Variants in MYO1D observed in about 807,000 individuals in gnomAD.
The protein encoded by MYO1D is unconventional myosin-Id.
Under a neutral mutation model 122.0 loss-of-function variants are expected in MYO1D, and 83 were observed. That is an observed-to-expected ratio of 0.68 (90% CI 0.57 to 0.82). The LOEUF (loss-of-function observed/expected upper bound fraction) is 0.82, where lower values mean the gene tolerates loss of function less well. MYO1D is among the 40% of genes least tolerant of loss of function. MYO1D has a pLI of 0.00. For missense variants in MYO1D, 1,157 were observed against 1,269.5 expected (o/e 0.91, Z 1.35); for synonymous variants, 464 against 446.9 (o/e 1.04, Z -0.48).
At chr17:32,771,021 T>C (rs1414275196) in intron 6 of MYO1D, 104 bp downstream of exon 6, 9 of 754,214 alleles carry the variant, frequency 1.2e-5, no homozygotes, top group Admixed American at 2.7e-5. Context: ...AAAGAGATGT[T>C]TATTTGCCTA....
chr17:32,579,641 T>C (rs2087311236), intron 21 of MYO1D, among the ~76,000 whole-genome samples: 1 of 152,210 alleles, frequency 6.6e-6, no homozygotes, highest in South Asian at 2.1e-4. Context: ...TTGTGCTGCT[T>C]TGTAATTCCT....
At chr17:32,797,221 G>A (rs770220860) in intron 1 of MYO1D, among the ~76,000 whole-genome samples, 3 of 151,928 alleles carry the variant, frequency 2.0e-5, no homozygotes, top group Non-Finnish European at 2.9e-5. Context: ...CACCCGCCTC[G>A]GCCTCCCAAA....
chr17:32,634,842 C>A lies in MYO1D; in HGVS notation c.2709+3880G>T, dbSNP rs1268837352. ...CTATCTGAAGCACTTCTCTTCTGCTCCTTTCTGCTGGGAAAACCCAATGAC... is the reference window on the plus strand; with the variant it reads ...CTATCTGAAGCACTTCTCTTCTGCTACTTTCTGCTGGGAAAACCCAATGAC... On this transcript the variant is annotated intron_variant, in intron 20 of 21. Coordinates refer to ENST00000318217, the MANE Select transcript of MYO1D (RefSeq NM_015194.3). Among the ~76,000 whole-genome samples the A allele has an allele frequency of 2.0e-5, 3 of 152,260 alleles. No individual in the cohort carries two copies. The East Asian group carries it at 5.8e-4, about 29-fold the overall frequency.
chr17:32,874,755 C>T (rs1598174737), intron 1 of MYO1D, among the ~76,000 whole-genome samples: 1 of 151,964 alleles, frequency 6.6e-6, no homozygotes, highest in Non-Finnish European at 1.5e-5. Flanking sequence ...ACTCTAAGGG[C>T]CCATCTCTAA....
At chr17:32,857,951 T>G (rs1186323847) in intron 1 of MYO1D, among the ~76,000 whole-genome samples, 2 of 152,272 alleles carry the variant, frequency 1.3e-5, no homozygotes, top group African/African-American at 4.8e-5. Flanking sequence ...TAGTCCTCAG[T>G]ATACACAGTT....
At chr17:32,625,448 G>A (rs530545497) in intron 20 of MYO1D, among the ~76,000 whole-genome samples, 1 of 152,040 alleles carries the variant, frequency 6.6e-6, no homozygotes, top group Non-Finnish European at 1.5e-5. Flanking sequence ...TTCCTGCCTG[G>A]GATTCTTACA....
At chr17:32,798,350 CT>C (rs1455235275) in intron 1 of MYO1D, among the ~76,000 whole-genome samples, 7 of 152,198 alleles carry the variant, frequency 4.6e-5, no homozygotes, top group Non-Finnish European at 1.0e-4. Flanking sequence ...GCTTTTAATA[CT>C]TCCTATATTC....
intron 21 of MYO1D, among the ~76,000 whole-genome samples, chr17:32,543,997 T>C (rs1425075250): frequency 6.6e-6 from 1 of 152,078 alleles, no homozygotes; most frequent in Non-Finnish European, 1.5e-5. Context: ...TTCACTATGT[T>C]GGCCAGGCTG....
intron 21 of MYO1D, among the ~76,000 whole-genome samples, chr17:32,600,906 A>T (rs568295957): frequency 6.6e-6 from 1 of 150,422 alleles, no homozygotes; most frequent in East Asian, 1.9e-4. Context: ...TCAGCTTTCA[A>T]CCTGCGTTCC....
At chr17:32,806,949 C>T (rs1463653774) in intron 1 of MYO1D, among the ~76,000 whole-genome samples, 1 of 152,162 alleles carries the variant, frequency 6.6e-6, no homozygotes, top group Non-Finnish European at 1.5e-5. Context: ...AACTAAATAA[C>T]ATAGGATGTA....
At chr17:32,747,635 G>A (rs910471452) in intron 12 of MYO1D, among the ~76,000 whole-genome samples, 8 of 151,984 alleles carry the variant, frequency 5.3e-5, no homozygotes, top group African/African-American at 7.3e-5. Context: ...TCAGGAGTTC[G>A]AAACCAGCCT....
At chr17:32,536,451 A>G (rs1910667897) in intron 21 of MYO1D, among the ~76,000 whole-genome samples, 1 of 152,234 alleles carries the variant, frequency 6.6e-6, no homozygotes, top group African/African-American at 2.4e-5. Flanking sequence ...GTATCAGGTC[A>G]TTTTAAACCC....
intron 1 of MYO1D, among the ~76,000 whole-genome samples, chr17:32,874,619 G>C (rs1252998370): frequency 6.6e-6 from 1 of 152,148 alleles, no homozygotes; most frequent in African/African-American, 2.4e-5. Flanking sequence ...CTTGCACACA[G>C]TAGAATTAAA....
intron 19 of MYO1D, among the ~76,000 whole-genome samples, chr17:32,642,284 G>A (rs1400180236): frequency 2.0e-5 from 3 of 152,134 alleles, no homozygotes; most frequent in Non-Finnish European, 4.4e-5. Context: ...TGTTCCATTG[G>A]TCTATATCTC....
At chr17:32,677,576 GATAAATATATATATATATATAT>G (rs1335631754) in intron 16 of MYO1D, among the ~76,000 whole-genome samples, 5 of 98,974 alleles carry the variant, frequency 5.1e-5, no homozygotes, top group East Asian at 3.1e-4. Context: ...TATATAGATA[GATAAATATATATATATATATAT>G]ATATATATAT....
intron 19 of MYO1D, among the ~76,000 whole-genome samples, chr17:32,643,167 T>C (rs2088229557): frequency 6.6e-6 from 1 of 152,166 alleles, no homozygotes; most frequent in Admixed American, 6.6e-5. Flanking sequence ...CTTTTCTGCA[T>C]CTATTGAGAT....
chr17:32,776,294 T>C (rs1332847739), intron 3 of MYO1D, among the ~76,000 whole-genome samples: 2 of 152,218 alleles, frequency 1.3e-5, no homozygotes, highest in African/African-American at 2.4e-5. Context: ...ATGTCCAGCA[T>C]ATATTAATGA....
At chr17:32,754,838 T>C (rs2089930964) in intron 11 of MYO1D, among the ~76,000 whole-genome samples, 1 of 140,828 alleles carries the variant, frequency 7.1e-6, no homozygotes, top group Non-Finnish European at 1.5e-5. Flanking sequence ...TCCATGCAAA[T>C]GGAATATTCC....
chr17:32,751,986 G>T (rs1268293301), intron 11 of MYO1D, among the ~76,000 whole-genome samples: 1 of 151,976 alleles, frequency 6.6e-6, no homozygotes, highest in East Asian at 1.9e-4. Flanking sequence ...TAAGCAAAAA[G>T]AACAAAACCA....
Sources: gnomAD v4.1 joint callset for allele counts (sites outside exome capture counted in the v4.1 genomes callset) on GRCh38, gnomAD v4.1.1 for gene constraint, MANE v1.5 for transcripts, NCBI Gene and HGNC (gene_info 2026-07-23, HGNC 2026-07-21) for gene names.